The following RBFOX1 variants were observed in gnomAD, a reference collection of about 807,000 sequenced individuals.
The protein encoded by RBFOX1 is RNA binding fox-1 homolog 1.
In RBFOX1, 8 loss-of-function variants were observed where a neutral mutation model predicts 57.7. That is an observed-to-expected ratio of 0.14 (90% confidence interval 0.08 to 0.25). RBFOX1 has a LOEUF of 0.25. Ranked by LOEUF, RBFOX1 falls within the 10% of genes least tolerant of loss-of-function variation. The probability of loss-of-function intolerance (pLI) is 1.00; values close to 1 mark genes in which losing one functional copy is unlikely to be tolerated. For synonymous variants in RBFOX1, 326 were observed against 222.4 expected, an observed-to-expected ratio of 1.47 and a Z score of -4.15; for missense variants, 611 against 548.5, an observed-to-expected ratio of 1.11 and a Z score of -1.14.
intron 3 of RBFOX1, among the ~76,000 whole-genome samples, chr16:6,924,951 C>T (rs1404651964): frequency 2.0e-5 from 3 of 150,128 alleles, no homozygotes; most frequent in African/African-American, 7.4e-5. Context: ...GGTTTTTTGC[C>T]CTTGCGATAG....
chr16:6,525,902 A>C (rs948512499), intron 2 of RBFOX1, among the ~76,000 whole-genome samples: 1 of 152,070 alleles, frequency 6.6e-6, no homozygotes, highest in Non-Finnish European at 1.5e-5. Flanking sequence ...CATAGCACAC[A>C]GGAAATGCCT....
At chr16:6,925,274 C>G (rs139933020) in intron 3 of RBFOX1, among the ~76,000 whole-genome samples, 47 of 151,128 alleles carry the variant, frequency 3.1e-4, no homozygotes, top group African/African-American at 1.1e-3. Flanking sequence ...GCTGGGATTA[C>G]AGGTGCAAAT....
Position 6,584,244 on chromosome 16 carries a change from ACTCTGAG to A in RBFOX1, c.-63-70358_-63-70352del, listed in dbSNP as rs146527314. Among the ~76,000 whole-genome samples the A allele has an allele frequency of 7.5e-3, 1,132 of 151,628 alleles. 10 individuals are homozygous for A. The highest frequency in any genetic ancestry group is 0.026 in the African/African-American group (1,066 of 41,424). On this transcript the variant is annotated intron_variant, in intron 2 of 15. Coordinates refer to ENST00000550418, the MANE Select transcript of RBFOX1 (RefSeq NM_018723.4). Reference sequence around the variant, plus strand: ...AGTTTTAGGGCCCATCAAAGGTAGTACTCTGAGTGTGATCAAACCACACTTTCACTAT... The same window carrying A: ...AGTTTTAGGGCCCATCAAAGGTAGTATGTGATCAAACCACACTTTCACTAT...
intron 2 of RBFOX1, among the ~76,000 whole-genome samples, chr16:6,467,823 C>G (rs897439078): frequency 4.6e-5 from 7 of 152,160 alleles, no homozygotes; most frequent in Admixed American, 4.6e-4. Context: ...TATAACACTA[C>G]TCAAAAGTGG....
At chr16:6,364,908 C>A (rs2089287310) in intron 2 of RBFOX1, among the ~76,000 whole-genome samples, 1 of 151,948 alleles carries the variant, frequency 6.6e-6, no homozygotes, top group South Asian at 2.1e-4. Flanking sequence ...GGGGTGTGGT[C>A]CTTTTACGAT....
intron 1 of RBFOX1, among the ~76,000 whole-genome samples, chr16:6,264,984 A>T (rs557510111): frequency 1.3e-5 from 2 of 152,192 alleles, no homozygotes; most frequent in African/African-American, 4.8e-5. Context: ...AACGCTTGAC[A>T]CCCAACCTCG....
chr16:7,030,041 G>T (rs1038747677), intron 3 of RBFOX1, among the ~76,000 whole-genome samples: 1 of 150,562 alleles, frequency 6.6e-6, no homozygotes, highest in Non-Finnish European at 1.5e-5. Flanking sequence ...AGGATGGTGG[G>T]ATAGATAGTC....
At chr16:5,274,040 G>A (rs1421458740) in intron 1 of RBFOX1, among the ~76,000 whole-genome samples, 1 of 152,220 alleles carries the variant, frequency 6.6e-6, no homozygotes, top group Admixed American at 6.5e-5. Flanking sequence ...TGTGGGGAAG[G>A]AGAATGCTAA....
intron 4 of RBFOX1, among the ~76,000 whole-genome samples, chr16:7,210,642 T>C (rs1454657815): frequency 6.6e-6 from 1 of 152,208 alleles, no homozygotes; most frequent in African/African-American, 2.4e-5. Flanking sequence ...ACTCTGTATT[T>C]TGCTCTTAGT....
chr16:7,316,909 T>A (rs2096452391), intron 4 of RBFOX1, among the ~76,000 whole-genome samples: 1 of 150,194 alleles, frequency 6.7e-6, no homozygotes, highest in Non-Finnish European at 1.5e-5. Flanking sequence ...CGACTGGAGT[T>A]TGGAAATCTT....
chr16:6,671,903 A>T (rs1370287676), intron 3 of RBFOX1, among the ~76,000 whole-genome samples: 1 of 152,184 alleles, frequency 6.6e-6, no homozygotes, highest in Admixed American at 6.5e-5. Context: ...GCCTTTTCAC[A>T]CGCCAAGTTG....
intron 4 of RBFOX1, among the ~76,000 whole-genome samples, chr16:5,905,207 A>T (rs1262927551): frequency 6.6e-6 from 1 of 150,510 alleles, no homozygotes; most frequent in Non-Finnish European, 1.5e-5. Context: ...AGCTGGGATT[A>T]TAGGTGGGTG....
chr16:5,291,236 C>T (rs1348749741), intron 1 of RBFOX1, among the ~76,000 whole-genome samples: 1 of 149,242 alleles, frequency 6.7e-6, no homozygotes. Flanking sequence ...AGTGTGTGCT[C>T]AGTAAAGGTG....
intron 3 of RBFOX1, among the ~76,000 whole-genome samples, chr16:6,681,886 C>A (rs1387779629): frequency 6.6e-6 from 1 of 152,186 alleles, no homozygotes. Flanking sequence ...TTAGTCTCTT[C>A]TGCTATTCTC....
intron 2 of RBFOX1, among the ~76,000 whole-genome samples, chr16:6,609,215 C>A (rs1341109319): frequency 1.3e-5 from 2 of 152,172 alleles, no homozygotes; most frequent in Admixed American, 6.5e-5. Flanking sequence ...CCTTCCACAG[C>A]CACTTTATAG....
intron 2 of RBFOX1, among the ~76,000 whole-genome samples, chr16:6,622,189 A>G (rs920323053): frequency 1.3e-5 from 2 of 152,202 alleles, no homozygotes; most frequent in African/African-American, 4.8e-5. Context: ...TTTTTGCTAC[A>G]TTCTTGGCAG....
At chr16:5,830,974 C>A (rs56017849) in intron 3 of RBFOX1, among the ~76,000 whole-genome samples, 5 of 152,116 alleles carry the variant, frequency 3.3e-5, no homozygotes, top group African/African-American at 1.2e-4. Flanking sequence ...CTATCCCCCC[C>A]CAACTCTGTT....
At chr16:6,054,946 C>A (rs549932186) in intron 1 of RBFOX1, among the ~76,000 whole-genome samples, 1 of 152,062 alleles carries the variant, frequency 6.6e-6, no homozygotes, top group Admixed American at 6.6e-5. Context: ...CTATGCTTGG[C>A]TAATTTTTTG....
At chr16:5,266,358 A>T (rs1326492578) in intron 1 of RBFOX1, among the ~76,000 whole-genome samples, 1 of 152,064 alleles carries the variant, frequency 6.6e-6, no homozygotes, top group Non-Finnish European at 1.5e-5. Context: ...GATATTGCCT[A>T]ATGTCCCCCG....
Sources: gnomAD v4.1 joint callset for allele counts (sites outside exome capture counted in the v4.1 genomes callset) on GRCh38, gnomAD v4.1.1 for gene constraint, MANE v1.5 for transcripts, NCBI Gene and HGNC (gene_info 2026-07-23, HGNC 2026-07-21) for gene names.